DIP2B: variants seen among roughly 807,000 people sequenced by gnomAD.
DIP2B encodes disco-interacting protein 2 homolog B.
Under a neutral mutation model 198.0 loss-of-function variants are expected in DIP2B, and 76 were observed. The ratio of observed to expected loss-of-function variants is 0.38; its 90% CI spans 0.32 to 0.46. The LOEUF is 0.46. DIP2B is among the 20% of genes least tolerant of loss of function. The pLI is 0.99. For synonymous variants in DIP2B, 701 were observed against 739.1 expected, an observed-to-expected ratio of 0.95 and a Z score of 0.84; for missense variants, 1,559 against 1,978.4, an observed-to-expected ratio of 0.79 and a Z score of 4.02.
intron 7 of DIP2B, among the ~76,000 whole-genome samples, chr12:50,677,953 A>G (rs1938976186): frequency 6.6e-6 from 1 of 151,672 alleles, no homozygotes; most frequent in Non-Finnish European, 1.5e-5. Context: ...TGCTTTCCTA[A>G]GGGCAACGTG....
intron 1 of DIP2B, among the ~76,000 whole-genome samples, chr12:50,556,639 T>C (rs1228751430): frequency 6.7e-6 from 1 of 149,668 alleles, no homozygotes; most frequent in African/African-American, 2.5e-5. Flanking sequence ...GCCTCCCGGG[T>C]TCAAGCGATT....
At chr12:50,519,368 TG>T (rs1958095338) in intron 1 of DIP2B, among the ~76,000 whole-genome samples, 1 of 152,226 alleles carries the variant, frequency 6.6e-6, no homozygotes, top group South Asian at 2.1e-4. Context: ...CCCAAAGTGT[TG>T]GGATTACAGG....
At chr12:50,691,254 G>T in intron 13 of DIP2B, 103 bp downstream of exon 13, 1 of 1,035,058 alleles carries the variant, frequency 9.7e-7, no homozygotes, top group South Asian at 1.5e-5. Context: ...CGAATTCAGA[G>T]TGAAATGTCC....
At chr12:50,714,291 G>A in intron 22 of DIP2B, 104 bp from the exon 23 acceptor site, 1 of 1,266,176 alleles carries the variant, frequency 7.9e-7, no homozygotes, top group East Asian at 2.4e-5. Flanking sequence ...ATCTAGAATG[G>A]GTAGAGTAAG....
At chr12:50,511,312 T>TTTTTTTTTTA (rs1593565194) in intron 1 of DIP2B, among the ~76,000 whole-genome samples, 2 of 143,550 alleles carry the variant, frequency 1.4e-5, no homozygotes, top group East Asian at 2.1e-4. Context: ...TTTTTTTTTT[T>TTTTTTTTTTA]GAGACAGGGT....
At chr12:50,615,266 C>CT (rs896860074) in intron 1 of DIP2B, among the ~76,000 whole-genome samples, 33 of 151,412 alleles carry the variant, frequency 2.2e-4, no homozygotes, top group Non-Finnish European at 3.0e-4. Flanking sequence ...CCCGCCATTT[C>CT]TTTTTTTTTC....
chr12:50,557,648 G>T (rs1958483160), intron 1 of DIP2B, among the ~76,000 whole-genome samples: 1 of 152,152 alleles, frequency 6.6e-6, no homozygotes, highest in Non-Finnish European at 1.5e-5. Context: ...TGGAGCCCAT[G>T]GCAGGCAAAA....
chr12:50,555,915 T>C (rs1158414022), intron 1 of DIP2B, among the ~76,000 whole-genome samples: 1 of 152,170 alleles, frequency 6.6e-6, no homozygotes, highest in East Asian at 1.9e-4. Context: ...GCCATGTTTG[T>C]GTAGCAGCTC....
intron 1 of DIP2B, among the ~76,000 whole-genome samples, chr12:50,517,606 C>T (rs1001650839): frequency 1.3e-5 from 2 of 152,140 alleles, no homozygotes; most frequent in Non-Finnish European, 2.9e-5. Context: ...AAAAGTTTTC[C>T]TTGGCTTCTC....
At chr12:50,610,230 G>A (rs1341476219) in intron 1 of DIP2B, among the ~76,000 whole-genome samples, 1 of 152,144 alleles carries the variant, frequency 6.6e-6, no homozygotes, top group Non-Finnish European at 1.5e-5. Context: ...ATATTCAGAT[G>A]TGTGGTGATA....
chr12:50,592,494 T>G (rs1278875728), intron 1 of DIP2B, among the ~76,000 whole-genome samples: 1 of 152,118 alleles, frequency 6.6e-6, no homozygotes, highest in Non-Finnish European at 1.5e-5. Flanking sequence ...CTTCTTTTTT[T>G]TGAGACTGAG....
intron 1 of DIP2B, among the ~76,000 whole-genome samples, chr12:50,617,751 G>A (rs1937726417): frequency 6.6e-6 from 1 of 152,190 alleles, no homozygotes; most frequent in African/African-American, 2.4e-5. Context: ...GGAGGTTGCA[G>A]TGAGCCAAGA....
chr12:50,671,656 G>C (rs1166750871), intron 5 of DIP2B, among the ~76,000 whole-genome samples: 2 of 152,188 alleles, frequency 1.3e-5, no homozygotes, highest in Admixed American at 1.3e-4. Flanking sequence ...TGCTCAAGCT[G>C]CAAGATATAA....
At chr12:50,529,269 A>G (rs967442104) in intron 1 of DIP2B, among the ~76,000 whole-genome samples, 3 of 152,210 alleles carry the variant, frequency 2.0e-5, no homozygotes, top group Non-Finnish European at 4.4e-5. Context: ...TCTTGCCTGT[A>G]CGACAGAGTA....
Position 50,728,539 on chromosome 12 carries a change from A to G in DIP2B, c.3511-9A>G, listed in dbSNP as rs1939978949. 2 of 1,612,612 alleles carry G rather than the reference A, an allele frequency of 1.2e-6. No homozygotes were observed. The highest frequency in any genetic ancestry group is 4.5e-5 in the East Asian group (2 of 44,814). On this transcript the variant is annotated splice_polypyrimidine_tract_variant and intron_variant, in intron 29 of 37. Coordinates refer to ENST00000301180, the MANE Select transcript of DIP2B (RefSeq NM_173602.3). ...AGTCCCAGCCTGTTCCATTTTCCAT[A>G]CTTTCCAGATGTCCCACTCTGCAGT...
At chr12:50,698,559 C>CCCTT in intron 18 of DIP2B, 92 bp downstream of exon 18, 9 of 1,469,234 alleles carry the variant, frequency 6.1e-6, no homozygotes, top group Non-Finnish European at 7.3e-6. Flanking sequence ...AAACGAGGAA[C>CCCTT]CCTTAATTCA....
chr12:50,645,650 G>C (rs1311167346), intron 3 of DIP2B, among the ~76,000 whole-genome samples: 1 of 151,852 alleles, frequency 6.6e-6, no homozygotes, highest in Non-Finnish European at 1.5e-5. Context: ...GTAGAGATGG[G>C]ATCTCACTTT....
intron 1 of DIP2B, among the ~76,000 whole-genome samples, chr12:50,604,277 TTTG>T (rs1958963389): frequency 6.6e-6 from 1 of 152,112 alleles, no homozygotes; most frequent in Non-Finnish European, 1.5e-5. Context: ...AATAAGGAAA[TTTG>T]TTGGCAGCAT....
At chr12:50,527,818 C>G (rs1409982369) in intron 1 of DIP2B, among the ~76,000 whole-genome samples, 1 of 152,096 alleles carries the variant, frequency 6.6e-6, no homozygotes, top group Non-Finnish European at 1.5e-5. Flanking sequence ...AACAGAAAAT[C>G]ACCATTGTCA....
Sources: allele counts gnomAD v4.1 joint callset (sites outside exome capture counted in the v4.1 genomes callset), GRCh38; gene constraint gnomAD v4.1.1; transcripts MANE v1.5; gene names NCBI Gene and HGNC (gene_info 2026-07-23, HGNC 2026-07-21).